The following DRC9 variants were observed in gnomAD, a reference collection of about 807,000 sequenced individuals.
DRC9 encodes the protein dynein regulatory complex subunit 9, also known as dynein regulatory complex protein 9.
chr3:197,905,124 G>A, the DRC9 span, among the ~76,000 whole-genome samples: 1 of 152,138 alleles, frequency 6.6e-6, no homozygotes, highest in African/African-American at 2.4e-5. Flanking sequence ...GATGGTTAAT[G>A]TGTACAAAAA....
chr3:197,922,066 T>C, the DRC9 span, among the ~76,000 whole-genome samples: 21 of 152,206 alleles, frequency 1.4e-4, no homozygotes, highest in Non-Finnish European at 2.9e-4. Flanking sequence ...GGTTTCATCT[T>C]GGTAGTTCTT....
At chr3:197,945,770 A>G in the DRC9 span, 1 of 634,348 alleles carries the variant, frequency 1.6e-6, no homozygotes, top group South Asian at 2.0e-5. Flanking sequence ...TCATTAAGAG[A>G]AAATTAAATG....
the DRC9 span, chr3:197,956,352 A>T: frequency 1.3e-5 from 2 of 156,376 alleles, no homozygotes; most frequent in African/African-American, 4.8e-5. Context: ...ATTTGGATAG[A>T]CTGGGATGAG....
At chr3:197,945,534 A>G in the DRC9 span, 1 of 824,808 alleles carries the variant, frequency 1.2e-6, no homozygotes, top group Admixed American at 2.4e-5. Flanking sequence ...TCTGTTACGC[A>G]GCAATAGATA....
chr3:197,951,618 G>T, the DRC9 span: 1 of 380,372 alleles, frequency 2.6e-6, no homozygotes, highest in African/African-American at 2.1e-5. Flanking sequence ...CTCCCAAAGT[G>T]CTGAGATTAC....
At chr3:197,905,066 G>A in the DRC9 span, among the ~76,000 whole-genome samples, 1 of 152,120 alleles carries the variant, frequency 6.6e-6, no homozygotes, top group African/African-American at 2.4e-5. Flanking sequence ...GAGTAGAAGG[G>A]TGGTTACCAG....
chr3:197,938,272 A>G, the DRC9 span, among the ~76,000 whole-genome samples: 6,844 of 151,332 alleles, frequency 0.045, 262 homozygotes, highest in African/African-American at 0.1. Context: ...CGCCGAGATC[A>G]GACCATTGCA....
At chr3:197,908,316 CAA>C in the DRC9 span, among the ~76,000 whole-genome samples, 3 of 135,918 alleles carry the variant, frequency 2.2e-5, no homozygotes, top group Non-Finnish European at 3.1e-5. Context: ...GTCTGAAGAG[CAA>C]CCCTTTCCAA....
the DRC9 span, among the ~76,000 whole-genome samples, chr3:197,899,580 T>C: frequency 6.6e-6 from 1 of 151,896 alleles, no homozygotes; most frequent in Non-Finnish European, 1.5e-5. Context: ...TAAAAATCCA[T>C]GGTATTGATC....
At chr3:197,896,850 C>A in the DRC9 span, among the ~76,000 whole-genome samples, 1 of 152,128 alleles carries the variant, frequency 6.6e-6, no homozygotes. Context: ...AAAATTGAGC[C>A]CACTGTACTA....
chr3:197,925,952 GA>G, the DRC9 span: 1 of 830,894 alleles, frequency 1.2e-6, no homozygotes, highest in Non-Finnish European at 2.1e-6. Context: ...CTCTGCTTGA[GA>G]AAGATGGCTT....
At chr3:197,921,222 G>A in the DRC9 span, among the ~76,000 whole-genome samples, 1,626 of 71,220 alleles carry the variant, frequency 0.023, 295 homozygotes, top group African/African-American at 0.12. Flanking sequence ...ACCTGATTTC[G>A]TCTTGGTCGA....
chr3:197,950,175 C>G, the DRC9 span: 20 of 1,231,664 alleles, frequency 1.6e-5, no homozygotes, highest in African/African-American at 2.9e-4. Context: ...CAAGGCCACG[C>G]GGCGGGGCCT....
the DRC9 span, among the ~76,000 whole-genome samples, chr3:197,922,860 T>A: frequency 7.2e-5 from 11 of 151,870 alleles, no homozygotes; most frequent in African/African-American, 2.7e-4. Flanking sequence ...ATTATGAGAG[T>A]TTTTCAGGGA....
the DRC9 span, chr3:197,943,735 T>TA: frequency 6.5e-7 from 1 of 1,545,266 alleles, no homozygotes; most frequent in Non-Finnish European, 8.9e-7. Flanking sequence ...GAGGGAGAAA[T>TA]AAAAAATAAA....
the DRC9 span, chr3:197,950,797 T>C: frequency 2.1e-5 from 15 of 704,882 alleles, no homozygotes; most frequent in South Asian, 2.2e-4. Flanking sequence ...TTCATATGGA[T>C]GTTCTGGCAT....
At chr3:197,899,279 GGTTT>G in the DRC9 span, among the ~76,000 whole-genome samples, 2 of 152,106 alleles carry the variant, frequency 1.3e-5, no homozygotes, top group Non-Finnish European at 2.9e-5. Flanking sequence ...ATAATAATCT[GGTTT>G]GTTTTCTGTT....
the DRC9 span, chr3:197,938,936 C>T: frequency 5.5e-5 from 34 of 620,436 alleles, no homozygotes; most frequent in Admixed American, 1.5e-4. Context: ...AAACCACACG[C>T]GCCCTGCTGC....
At chr3:197,928,238 T>C in the DRC9 span, among the ~76,000 whole-genome samples, 1 of 152,174 alleles carries the variant, frequency 6.6e-6, no homozygotes, top group Non-Finnish European at 1.5e-5. Flanking sequence ...AACTAAGTTA[T>C]ATTATGGGTA....
Sources: allele counts gnomAD v4.1 joint callset (sites outside exome capture counted in the v4.1 genomes callset), GRCh38; gene constraint gnomAD v4.1.1; transcripts MANE v1.5; gene names NCBI Gene and HGNC (gene_info 2026-07-23, HGNC 2026-07-21).